Variants in MDGA2 observed in about 807,000 individuals in gnomAD.
MDGA2 encodes MAM domain containing glycosylphosphatidylinositol anchor 2.
MDGA2 carries 40 observed loss-of-function variants against 117.8 expected under a neutral mutation model. The observed-to-expected ratio is 0.34, with a 90% CI of 0.26 to 0.44. The LOEUF (loss-of-function observed/expected upper bound fraction) is 0.44, where lower values mean the gene tolerates loss of function less well. Among genes scored for constraint, MDGA2 ranks in the 20% least tolerant of loss-of-function variants. The pLI, the probability that MDGA2 is intolerant of heterozygous loss-of-function variation, is 1.00. For synonymous variants in MDGA2, 452 were observed against 439.0 expected, an observed-to-expected ratio of 1.03 and a Z score of -0.37; for missense variants, 1,123 against 1,250.6, an observed-to-expected ratio of 0.90 and a Z score of 1.54.
chr14:47,429,737 T>C (rs1892761749), intron 1 of MDGA2, among the ~76,000 whole-genome samples: 1 of 151,970 alleles, frequency 6.6e-6, no homozygotes, highest in South Asian at 2.1e-4. Flanking sequence ...CGAGGCACCA[T>C]TTTCAGTACT....
intron 8 of MDGA2, among the ~76,000 whole-genome samples, chr14:47,017,188 C>T (rs1888113259): frequency 6.6e-6 from 1 of 151,078 alleles, no homozygotes; most frequent in South Asian, 2.1e-4. Flanking sequence ...TGACTTCATG[C>T]TCCTTTGCTG....
At chr14:47,081,950 TG>T (rs1196259065) in intron 6 of MDGA2, among the ~76,000 whole-genome samples, 1 of 152,138 alleles carries the variant, frequency 6.6e-6, no homozygotes, top group Non-Finnish European at 1.5e-5. Flanking sequence ...TTACATTTTT[TG>T]CTCCTCAAAA....
intron 1 of MDGA2, among the ~76,000 whole-genome samples, chr14:47,341,882 A>G (rs1890634761): frequency 6.6e-6 from 1 of 152,090 alleles, no homozygotes; most frequent in African/African-American, 2.4e-5. Context: ...TCTGTGGCCT[A>G]GGCTGGAGTG....
rs1881915068 is a variant in MDGA2, at chr14:47,126,566, A to G, written c.925+5148T>C. ...CTATTTCACAGTAGGAAAGTTAAGA[A>G]ACCACATCACTGGAATTCTACAGAT... On this transcript the variant is annotated intron_variant, in intron 5 of 16. Transcript: ENST00000399232. 2.6e-5 allele frequency among the ~76,000 whole-genome samples: 4 copies of G among 152,254 alleles called. No individual in the cohort carries two copies. The South Asian group carries it at 8.3e-4, about 31-fold the overall frequency.
At chr14:47,178,336 G>A (rs1322339159) in intron 3 of MDGA2, among the ~76,000 whole-genome samples, 3 of 152,018 alleles carry the variant, frequency 2.0e-5, no homozygotes, top group East Asian at 1.9e-4. Context: ...ATCTCTACTC[G>A]GTCGAGGGCC....
At chr14:47,635,006 CTGAT>C (rs962359541) in intron 1 of MDGA2, among the ~76,000 whole-genome samples, 15 of 152,026 alleles carry the variant, frequency 9.9e-5, no homozygotes, top group African/African-American at 3.6e-4. Flanking sequence ...AATTGTTCAT[CTGAT>C]TATTATCATG....
At chr14:47,466,871 C>A (rs914749778) in intron 1 of MDGA2, among the ~76,000 whole-genome samples, 10 of 152,038 alleles carry the variant, frequency 6.6e-5, no homozygotes, top group East Asian at 5.8e-4. Flanking sequence ...TCTGCAGGTA[C>A]CTTCAGTTTT....
chr14:47,343,193 T>C, intron 1 of MDGA2: 3 of 1,133,248 alleles, frequency 2.6e-6, no homozygotes, highest in Non-Finnish European at 3.3e-6. Context: ...AGGCTCAAGC[T>C]ATTAAAAGGA....
chr14:47,344,592 T>C (rs1890722557), intron 1 of MDGA2, among the ~76,000 whole-genome samples: 1 of 151,680 alleles, frequency 6.6e-6, no homozygotes, highest in African/African-American at 2.4e-5. Context: ...TTCTTTGTTT[T>C]TGTTTGTTTG....
chr14:46,943,430 A>G (rs769709044), intron 9 of MDGA2, among the ~76,000 whole-genome samples: 1 of 151,992 alleles, frequency 6.6e-6, no homozygotes, highest in African/African-American at 2.4e-5. Context: ...AAAGTCTACC[A>G]TCTTGCTCTT....
intron 1 of MDGA2, among the ~76,000 whole-genome samples, chr14:47,464,419 T>TATTCTGC (rs1893557222): frequency 6.6e-6 from 1 of 152,090 alleles, no homozygotes; most frequent in African/African-American, 2.4e-5. Flanking sequence ...CAAATGACAT[T>TATTCTGC]ATTCTGTATC....
chr14:47,383,543 A>T (rs1054209483), intron 1 of MDGA2, among the ~76,000 whole-genome samples: 5 of 152,068 alleles, frequency 3.3e-5, no homozygotes, highest in African/African-American at 1.2e-4. Context: ...GAATTTCTTG[A>T]ATTTCTTTTT....
rs1594653813 is a variant in MDGA2 at position 47,131,569 on chromosome 14, T to A, written c.925+145A>T. 4 of 531,792 alleles carry A rather than the reference T, an allele frequency of 7.5e-6. No individual in the cohort carries two copies. In the South Asian group the frequency reaches 1.9e-4, roughly 25 times the overall value. The allele number at this position is 531,792 out of a possible 1,614,324, so 32.9% of individuals were successfully genotyped here. ...TTACTGTGTCCATGTATGAAGCTTT[T>A]CAGATATCCCAGGATTTTCTGGGAA... On this transcript the variant is annotated intron_variant, in intron 5 of 16. Transcript: ENST00000399232.
In MDGA2 at chr14:47,578,798, C is replaced by A. The variant is rs17118950; in HGVS notation, c.280+95719G>T. ...TCTTCATAACTATCATTGTTAGAGG[C>A]TACATGATGTGCTATGCTGTTGATA... On this transcript the variant is annotated intron_variant, in intron 1 of 16. Transcript: ENST00000399232. 8.6e-3 allele frequency among the ~76,000 whole-genome samples: 1,310 copies of A among 152,166 alleles called. 16 individuals carry two copies. Among genetic ancestry groups the A allele is most frequent in the African/African-American group, 0.03 (1,238 of 41,532 alleles).
chr14:47,447,854 T>C (rs1322195076), intron 1 of MDGA2, among the ~76,000 whole-genome samples: 1 of 152,174 alleles, frequency 6.6e-6, no homozygotes, highest in Non-Finnish European at 1.5e-5. Flanking sequence ...GGCGTTAGGC[T>C]CCTCTAAAAT....
intron 1 of MDGA2, among the ~76,000 whole-genome samples, chr14:47,337,395 C>T (rs1890492339): frequency 6.6e-6 from 1 of 152,204 alleles, no homozygotes; most frequent in Non-Finnish European, 1.5e-5. Context: ...GGCTATTCTT[C>T]TTTCTGAGAA....
chr14:47,169,749 AACAG>A (rs923708233), intron 3 of MDGA2, among the ~76,000 whole-genome samples: 113 of 152,128 alleles, frequency 7.4e-4, no homozygotes, highest in African/African-American at 2.5e-3. Context: ...ACAATGGCAT[AACAG>A]ACAAACTTTT....
chr14:47,370,829 C>A (rs1891340472), intron 1 of MDGA2, among the ~76,000 whole-genome samples: 1 of 151,496 alleles, frequency 6.6e-6, no homozygotes, highest in Non-Finnish European at 1.5e-5. Flanking sequence ...CTTCTGTATT[C>A]CCATTTTGTT....
intron 7 of MDGA2, among the ~76,000 whole-genome samples, chr14:47,050,824 G>A (rs550865678): frequency 1.2e-4 from 19 of 152,080 alleles, no homozygotes; most frequent in African/African-American, 4.6e-4. Flanking sequence ...GTGAGAATAA[G>A]TAAGATCTCT....
Sources: gnomAD v4.1 joint callset for allele counts (sites outside exome capture counted in the v4.1 genomes callset) on GRCh38, gnomAD v4.1.1 for gene constraint, MANE v1.5 for transcripts, NCBI Gene and HGNC (gene_info 2026-07-23, HGNC 2026-07-21) for gene names.